The following MAP4K2 variants were observed in gnomAD, a reference collection of about 807,000 sequenced individuals.
MAP4K2 encodes B lymphocyte serine/threonine protein kinase.
In MAP4K2, 85 loss-of-function variants were observed where a neutral mutation model predicts 125.3. The observed-to-expected ratio is 0.68, with a 90% confidence interval of 0.57 to 0.81. The LOEUF is 0.81. Ranked by LOEUF, MAP4K2 falls within the 40% of genes least tolerant of loss-of-function variation. The pLI is 0.00. For synonymous variants in MAP4K2, 479 were observed against 445.1 expected (o/e 1.08, Z -0.96); for missense variants, 923 against 1,056.4 (o/e 0.87, Z 1.75).
chr11:64,786,992 A>C lies in MAP4K2; in HGVS notation c.*2545T>G, dbSNP rs1940217779. On this transcript the variant is annotated 3_prime_UTR_variant, in exon 32 of 32. Transcript: ENST00000294066. ...CTTTTCAGGGTGCATGTGATAATTT[A>C]ATACATTCATATTCTCCAGGATATA... 6.6e-6 allele frequency: 1 copy of C among 151,532 alleles called. No homozygotes were observed. The highest frequency in any genetic ancestry group is 2.1e-4 in the South Asian group (1 of 4,804). The allele number at this position is 151,532 out of a possible 1,614,324, so 9.4% of individuals were successfully genotyped here.
chr11:64,791,596 C>CAAG (rs1002838680), intron 27 of MAP4K2, among the ~76,000 whole-genome samples: 1 of 152,210 alleles, frequency 6.6e-6, no homozygotes, highest in African/African-American at 2.4e-5. Context: ...GTCTCAAACT[C>CAAG]ATGAGCTCAA....
Position 64,789,730 on chromosome 11 carries a change from C to T in MAP4K2, c.2375G>A (p.Arg792Lys), listed in dbSNP as rs982593684. ...TRIFRVLGAH[R>K]DIILESIPTD... ...GGGAGGCTAGGGTACCACCGCCTAC[C>T]TGTGGGCCCCAAGCACTCGGAAGAT... The change falls in exon 31 of 32, where the codon AGA becomes AAA. Residue 792 changes from arginine to lysine, a missense_variant and splice_region_variant. Coordinates refer to ENST00000294066, the MANE Select transcript of MAP4K2 (RefSeq NM_004579.5). The T allele has an allele frequency of 6.2e-7, 1 of 1,614,142 alleles. No individual in the cohort carries two copies. The highest frequency in any genetic ancestry group is 2.2e-5 in the East Asian group (1 of 44,888).
intron 7 of MAP4K2, 101 bp downstream of exon 7, chr11:64,801,478 G>T: frequency 7.5e-7 from 1 of 1,341,484 alleles, no homozygotes; most frequent in Non-Finnish European, 1.1e-6. Flanking sequence ...TGAGACTCAA[G>T]TGGCAAAGTG....
In MAP4K2 at chr11:64,785,538, G is replaced by A. The variant is rs768667487; in HGVS notation, c.*3999C>T. 1.3e-5 allele frequency: 2 copies of A among 150,460 alleles called. No individual in the cohort carries two copies. Among genetic ancestry groups the A allele is most frequent in the Non-Finnish European group, 3.0e-5 (2 of 67,432 alleles). The allele number at this position is 150,460 out of a possible 1,614,324, so 9.3% of individuals were successfully genotyped here. A position where few individuals can be genotyped will look rare whatever the true frequency, so the allele number is the denominator to read the frequency against. ...GTTTTTGGTCTTGTCTTTCAAGCGAGTTCTATTTTTTCGGTGATTACTTTT... is the reference window on the plus strand; with the variant it reads ...GTTTTTGGTCTTGTCTTTCAAGCGAATTCTATTTTTTCGGTGATTACTTTT... On this transcript the variant is annotated 3_prime_UTR_variant, in exon 32 of 32. Coordinates refer to ENST00000294066, the MANE Select transcript of MAP4K2 (RefSeq NM_004579.5).
In MAP4K2 at chr11:64,791,991, C is replaced by G; in HGVS notation, c.2010G>C (p.Gly670=). The change falls in exon 27 of 32, where the codon GGG becomes GGC. Residue 670 remains glycine, a synonymous_variant. Coordinates refer to ENST00000294066, the MANE Select transcript of MAP4K2 (RefSeq NM_004579.5). The part of the protein sequence containing the change: ...ELPQVCVGAE[G]PEGPGCRVLF... ...GGACGCGGCAGCCGGGCCCCTCAGG[C>G]CCCTCGGCCCCAACACACACCTGCG... 6.2e-7 allele frequency: 1 copy of G among 1,601,742 alleles called. No homozygotes were observed. The highest frequency in any genetic ancestry group is 8.5e-7 in the Non-Finnish European group (1 of 1,174,770).
In MAP4K2 at chr11:64,797,007, C is replaced by T; in HGVS notation, c.1382G>A (p.Gly461Glu). 1 of 1,613,900 alleles carries T rather than the reference C, an allele frequency of 6.2e-7. No individual in the cohort carries two copies. Among genetic ancestry groups the T allele is most frequent in the Non-Finnish European group, 8.5e-7 (1 of 1,179,950 alleles). The stretch of plus-strand genomic sequence containing the variant: ...ATGCACCTTGGGAGTTGGGGGGAGC[C>T]CGTGGCAGGATGACCTCTGGGAGGG... The part of the protein sequence containing the change: ...REDPERSSCH[G>E]LPPTPKVHMG... Residue 461 changes from glycine to glutamate, a missense_variant, in exon 20 of 32, where the codon GGG becomes GAG. Transcript: ENST00000294066.
Position 64,800,983 on chromosome 11 carries a change from C to T in MAP4K2, c.579G>A (p.Glu193=), listed in dbSNP as rs2136052910. The change falls in exon 9 of 32, where the codon GAG becomes GAA. Residue 193 remains glutamate, a synonymous_variant. Transcript: ENST00000294066. ...AAVERKGGYN[E]LCDVWALGIT... is the part of the protein sequence containing the mutation. ...TGCCCAGGGCCCAGACGTCACATAG[C>T]TCATTGTAGCCACCTTTGCGCTCCA... 1 of 1,614,020 alleles carries T rather than the reference C, an allele frequency of 6.2e-7. No homozygotes were observed. Among genetic ancestry groups the T allele is most frequent in the East Asian group, 2.2e-5 (1 of 44,888 alleles).
chr11:64,801,843 T>G, intron 5 of MAP4K2, 86 bp from the exon 6 acceptor site: 1 of 1,394,498 alleles, frequency 7.2e-7, no homozygotes, highest in South Asian at 1.2e-5. Flanking sequence ...GGCCCCCCAC[T>G]CAGGCTGCTT....
In MAP4K2 at chr11:64,790,439, G is replaced by A; in HGVS notation, c.2116C>T (p.Gln706Ter). 1 of 1,614,074 alleles carries A rather than the reference G, an allele frequency of 6.2e-7. No homozygotes were observed. Among genetic ancestry groups the A allele is most frequent in the South Asian group, 1.1e-5 (1 of 91,088 alleles). Residue 706 changes from glutamine to a stop codon, truncating the protein, a stop_gained, in exon 28 of 32, where the codon CAG (glutamine) becomes TAG (stop). Transcript: ENST00000294066. LOFTEE classifies it high-confidence loss of function. Reference protein sequence around the residue: ...PPEGIPGSAQQVIQVDRDTIL... With the variant: ...PPEGIPGSAQ Reference sequence around the variant, plus strand: ...GTGTCCCTGTCCACCTGGATCACCTGCTGGGCCGAGCCTGGGATCCCCTCT... The same window carrying A: ...GTGTCCCTGTCCACCTGGATCACCTACTGGGCCGAGCCTGGGATCCCCTCT...
intron 15 of MAP4K2, among the ~76,000 whole-genome samples, chr11:64,797,924 T>C (rs1298698332): frequency 3.3e-5 from 5 of 151,430 alleles, no homozygotes; most frequent in South Asian, 2.1e-4. Context: ...CCAGGATGGT[T>C]TCGATCTCCT....
chr11:64,801,221 C>A, intron 7 of MAP4K2, 38 bp from the exon 8 acceptor site: 1 of 1,601,222 alleles, frequency 6.2e-7, no homozygotes, highest in Non-Finnish European at 8.5e-7. Flanking sequence ...AGCCCTCTGG[C>A]TGCCACTCAC....
chr11:64,797,929 T>A (rs1940926444), intron 15 of MAP4K2, among the ~76,000 whole-genome samples: 1 of 150,796 alleles, frequency 6.6e-6, no homozygotes, highest in Admixed American at 6.6e-5. Context: ...ATGGTTTCGA[T>A]CTCCTGCCCT....
intron 15 of MAP4K2, among the ~76,000 whole-genome samples, chr11:64,798,024 G>A (rs1284155092): frequency 6.9e-6 from 1 of 145,036 alleles, no homozygotes; most frequent in Non-Finnish European, 1.5e-5. Flanking sequence ...TTTTAAGACA[G>A]AGTTTCATTC....
chr11:64,802,375 G>C lies in MAP4K2; in HGVS notation c.310+44C>G, dbSNP rs758851237. 17 of 1,486,624 alleles carry C rather than the reference G, an allele frequency of 1.1e-5. No individual in the cohort carries two copies. The East Asian group carries it at 2.5e-4, about 22-fold the overall frequency. The allele number at this position is 1,486,624 out of a possible 1,614,324, so 92.1% of individuals were successfully genotyped here. A position where few individuals can be genotyped will look rare whatever the true frequency, so the allele number is the denominator to read the frequency against. ...TCTGGTACCCCAGTGGGGTAGGGGT[G>C]GGGGAAGGCTGGGGCCTGCTGGGGC... On this transcript the variant is annotated intron_variant, in intron 4 of 31. Transcript: ENST00000294066.
intron 4 of MAP4K2, 82 bp from the exon 5 acceptor site, chr11:64,802,203 C>A: frequency 7.4e-7 from 1 of 1,358,366 alleles, no homozygotes; most frequent in Admixed American, 1.9e-5. Flanking sequence ...GGAAAAGCAG[C>A]AGGCACTGTT....
At position 64,789,459 on chromosome 11, in the gene MAP4K2, G is replaced by A. The variant is rs1458668143; in HGVS notation, c.*78C>T. The A allele has an allele frequency of 1.5e-6, 2 of 1,304,462 alleles. No individual in the cohort carries two copies. Among genetic ancestry groups the A allele is most frequent in the South Asian group, 1.3e-5 (1 of 78,716 alleles). The allele number at this position is 1,304,462 out of a possible 1,614,324, so 80.8% of individuals were successfully genotyped here. A position where few individuals can be genotyped will look rare whatever the true frequency, so the allele number is the denominator to read the frequency against. On this transcript the variant is annotated 3_prime_UTR_variant, in exon 32 of 32. Transcript: ENST00000294066. ...CAGGGCCTGGGCTCCTCTGGTCTAG[G>A]ATGGGCCCCTTTGCCCAAAAGGGCC...
chr11:64,790,163 T>C (rs760704240), intron 29 of MAP4K2, 25 bp downstream of exon 29: 8 of 1,613,228 alleles, frequency 5.0e-6, no homozygotes, highest in South Asian at 1.1e-5. Flanking sequence ...GGGAAAGGCC[T>C]GCACCCCACC....
chr11:64,798,681 C>G, intron 15 of MAP4K2, 113 bp downstream of exon 15: 1 of 1,108,248 alleles, frequency 9.0e-7, no homozygotes, highest in South Asian at 1.3e-5. Context: ...GTGATCCACC[C>G]ACCTCAGCCT....
Position 64,792,425 on chromosome 11 carries a change from G to A in MAP4K2, c.1752-3C>T, listed in dbSNP as rs766694847. ...TCTTGGTGGACAGAGCAAAGCGCCT[G>A]TAGGGGTGATAACCAGGGCCTGTGT... On this transcript the variant is annotated splice_polypyrimidine_tract_variant and splice_region_variant and intron_variant, in intron 24 of 31. Coordinates refer to ENST00000294066, the MANE Select transcript of MAP4K2 (RefSeq NM_004579.5). 1 of 1,578,338 alleles carries A rather than the reference G, an allele frequency of 6.3e-7. No individual in the cohort carries two copies. Among genetic ancestry groups the A allele is most frequent in the East Asian group, 2.3e-5 (1 of 43,006 alleles).
Sources: gnomAD v4.1 joint callset for allele counts (sites outside exome capture counted in the v4.1 genomes callset) on GRCh38, gnomAD v4.1.1 for gene constraint, MANE v1.5 for transcripts, NCBI Gene and HGNC (gene_info 2026-07-23, HGNC 2026-07-21) for gene names.